WDR20: variants seen among roughly 807,000 people sequenced by gnomAD.
WDR20 encodes WD repeat domain 20, also known as WD repeat-containing protein 20.
In WDR20, 3 loss-of-function variants were observed where a neutral mutation model predicts 38.7. The observed-to-expected ratio is 0.08, with a 90% CI of 0.04 to 0.20. WDR20 has a LOEUF of 0.20. Among genes scored for constraint, WDR20 ranks in the 10% least tolerant of loss-of-function variants. WDR20 has a pLI of 1.00. For synonymous variants in WDR20, 298 were observed against 285.6 expected, an observed-to-expected ratio of 1.04 and a Z score of -0.44; for missense variants, 559 against 727.7, an observed-to-expected ratio of 0.77 and a Z score of 2.67.
At position 102,168,302 on chromosome 14, in the gene WDR20, T is replaced by A. The variant is rs150121651; in HGVS notation, c.250-26636T>A. On this transcript the variant is annotated intron_variant, in intron 1 of 2. Coordinates refer to ENST00000342702, the MANE Select transcript of WDR20 (RefSeq NM_144574.4). The stretch of plus-strand genomic sequence containing the variant: ...AATTGGCAGCAGTAAAAAGGAAAAA[T>A]TTTTCCCCCCAAAGATAAAAATAGA... 4.6e-3 allele frequency among the ~76,000 whole-genome samples: 695 copies of A among 152,104 alleles called. 6 individuals carry two copies. Among genetic ancestry groups the A allele is most frequent in the African/African-American group, 0.015 (641 of 41,472 alleles).
At chr14:102,214,045 G>C (rs2062897450), downstream of WDR20, 1 of 985,482 alleles carries the variant, frequency 1.0e-6, no homozygotes, top group Non-Finnish European at 1.2e-6. Flanking sequence ...GCCGGTGGAT[G>C]GGGGAGGGAC....
intron 1 of WDR20, among the ~76,000 whole-genome samples, chr14:102,177,459 C>T (rs917673993): frequency 2.0e-5 from 3 of 152,116 alleles, no homozygotes; most frequent in Non-Finnish European, 4.4e-5. Context: ...TTTCTCAAAA[C>T]CCAGTGAAGG....
At position 102,222,490 on chromosome 14, in the gene WDR20, C is replaced by G. The variant is rs567420317; in HGVS notation, c.1693-340C>G. On this transcript the variant is annotated intron_variant, in intron 3 of 3. Coordinates refer to the WDR20 transcript ENST00000335263. The surrounding 1 kb of genome is among the most constrained non-coding windows in gnomAD (Gnocchi z 4.4). ...GGCTGAAGGCGCTGAACACCTCCCA[C>G]GAGGCACCTGCACCTTTGGGTCAGC... Among the ~76,000 whole-genome samples, 9 of 152,330 alleles carry G rather than the reference C, an allele frequency of 5.9e-5. No homozygotes were observed. The highest frequency in any genetic ancestry group is 2.2e-4 in the African/African-American group (9 of 41,574).
rs763071619 is a variant in WDR20, at chr14:102,141,319, C to T, written c.249+1147C>T. On this transcript the variant is annotated intron_variant, in intron 1 of 2. Transcript: ENST00000342702. ...GGATTTAATATAGCCAGATCCAGTA[C>T]AGGATTTTCGCTTGTTACAAGAGCT... Among the ~76,000 whole-genome samples, 17 of 152,284 alleles carry T rather than the reference C, an allele frequency of 1.1e-4. No individual in the cohort carries two copies. In the Middle Eastern group the frequency reaches 0.01, roughly 91 times the overall value.
Position 102,220,228 on chromosome 14 carries a change from G to C in WDR20, c.1693-2602G>C, listed in dbSNP as rs1314432205. On this transcript the variant is annotated intron_variant, in intron 3 of 3. Coordinates refer to the WDR20 transcript ENST00000335263. This position sits in a 1 kb window ranked among gnomAD's most constrained non-coding sequence, Gnocchi z 4.2. ...CGAGTCCTCTGGGGCCTCACACTCA[G>C]TGAGAGGAAGTCTAAGGAAGGGTGC... 6.6e-6 allele frequency among the ~76,000 whole-genome samples: 1 copy of C among 152,140 alleles called. No homozygotes were observed. The highest frequency in any genetic ancestry group is 1.5e-5 in the Non-Finnish European group (1 of 68,026).
At chr14:102,199,190 C>T (rs192328730) in intron 2 of WDR20, among the ~76,000 whole-genome samples, 3 of 151,854 alleles carry the variant, frequency 2.0e-5, no homozygotes, top group East Asian at 2.0e-4. Context: ...ACCAGCTCTG[C>T]CACTTTCTGC....
At chr14:102,151,581 CGAG>C (rs1276563798) in intron 1 of WDR20, among the ~76,000 whole-genome samples, 3 of 151,154 alleles carry the variant, frequency 2.0e-5, no homozygotes, top group Non-Finnish European at 4.4e-5. Context: ...TTGGTAGAGA[CGAG>C]GTCTTGCTGT....
At chr14:102,143,639 G>C (rs1396104619) in intron 1 of WDR20, among the ~76,000 whole-genome samples, 1 of 151,748 alleles carries the variant, frequency 6.6e-6, no homozygotes, top group African/African-American at 2.4e-5. Flanking sequence ...CTGCCTCCTA[G>C]GTTCAAGCGA....
intron 1 of WDR20, among the ~76,000 whole-genome samples, chr14:102,183,368 C>G (rs2063824562): frequency 6.6e-6 from 1 of 152,240 alleles, no homozygotes. Flanking sequence ...GTTTTAGTAG[C>G]TGATCTCCAT....
At chr14:102,164,932 A>G (rs2059459892) in intron 1 of WDR20, among the ~76,000 whole-genome samples, 1 of 152,232 alleles carries the variant, frequency 6.6e-6, no homozygotes, top group South Asian at 2.1e-4. Flanking sequence ...ATAAATTAAT[A>G]CAGCAGGTAT....
rs767087769 is a variant in WDR20 at position 102,210,405 on chromosome 14, G to A, written c.*525G>A. ...TAGGAACAAAACGTTTAGCAGGGTTGATTGATATTATTTTTACATTGTTCT... is the reference window on the plus strand; with the variant it reads ...TAGGAACAAAACGTTTAGCAGGGTTAATTGATATTATTTTTACATTGTTCT... On this transcript the variant is annotated 3_prime_UTR_variant, in exon 3 of 3. Transcript: ENST00000342702. The A allele has an allele frequency of 4.1e-6, 4 of 985,470 alleles. No individual in the cohort carries two copies. Among genetic ancestry groups the A allele is most frequent in the Non-Finnish European group, 4.8e-6 (4 of 829,940 alleles). The allele number at this position is 985,470 out of a possible 1,614,324, so 61.0% of individuals were successfully genotyped here. A position where few individuals can be genotyped will look rare whatever the true frequency, so the allele number is the denominator to read the frequency against.
At chr14:102,215,760 G>A (rs577391642), downstream of WDR20, among the ~76,000 whole-genome samples, 126 of 152,288 alleles carry the variant, frequency 8.3e-4, no homozygotes, top group African/African-American at 2.5e-3. Flanking sequence ...CAGGCCCGTC[G>A]TCGGTGCAGA....
chr14:102,224,123 G>C (rs1044347552), downstream of WDR20, among the ~76,000 whole-genome samples: 3 of 146,644 alleles, frequency 2.0e-5, no homozygotes, highest in Non-Finnish European at 4.5e-5. Flanking sequence ...CTCACTGCAA[G>C]CTCCGCCTCC....
At chr14:102,152,937 A>G (rs2056411387) in intron 1 of WDR20, among the ~76,000 whole-genome samples, 1 of 152,206 alleles carries the variant, frequency 6.6e-6, no homozygotes, top group South Asian at 2.1e-4. Context: ...GCACAGGACT[A>G]GGAGTCTCAT....
chr14:102,184,865 G>T (rs911970096), intron 1 of WDR20, among the ~76,000 whole-genome samples: 1 of 152,134 alleles, frequency 6.6e-6, no homozygotes, highest in East Asian at 1.9e-4. Context: ...CTTGAACGTG[G>T]TTGGCCGGGG....
At chr14:102,165,932 A>G (rs2059685877) in intron 1 of WDR20, among the ~76,000 whole-genome samples, 4 of 151,100 alleles carry the variant, frequency 2.6e-5, no homozygotes, top group Admixed American at 2.6e-4. Context: ...GAGCCACTGG[A>G]CCAGGCCTAG....
chr14:102,214,314 C>T (rs1304468661), downstream of WDR20: 1 of 985,328 alleles, frequency 1.0e-6, no homozygotes, highest in African/African-American at 1.7e-5. Context: ...TTTAAGTTAA[C>T]AAGGTGCACA....
chr14:102,224,703 CATT>C (rs1397775178), downstream of WDR20: 15 of 455,902 alleles, frequency 3.3e-5, no homozygotes, highest in African/African-American at 2.6e-4. Flanking sequence ...TCGGAGGAGA[CATT>C]AGTTACAGCT....
In WDR20 at chr14:102,178,151, G is replaced by T. The variant is rs750297572; in HGVS notation, c.250-16787G>T. Among the ~76,000 whole-genome samples, 326 of 151,912 alleles carry T rather than the reference G, an allele frequency of 2.1e-3. 2 individuals are homozygous for T. The highest frequency in any genetic ancestry group is 4.0e-3 in the Non-Finnish European group (273 of 67,790). ...TCATGCCTGTAATCCCAGCACTTTG[G>T]GAGGCTGAGGTGGGTGGATCGCTTG... is the stretch of plus-strand genomic sequence containing the variant. On this transcript the variant is annotated intron_variant, in intron 1 of 2. Coordinates refer to ENST00000342702, the MANE Select transcript of WDR20 (RefSeq NM_144574.4).
Sources: allele counts gnomAD v4.1 joint callset (sites outside exome capture counted in the v4.1 genomes callset), GRCh38; gene constraint gnomAD v4.1.1; non-coding constraint Gnocchi (gnomAD v3.1); transcripts MANE v1.5; gene names NCBI Gene and HGNC (gene_info 2026-07-23, HGNC 2026-07-21).